GCA: variants seen among roughly 807,000 people sequenced by gnomAD.
GCA encodes grancalcin, EF-hand calcium-binding protein.
Under a neutral mutation model 32.6 loss-of-function variants are expected in GCA, and 30 were observed. That is an observed-to-expected ratio of 0.92 (90% CI 0.69 to 1.25). The LOEUF (loss-of-function observed/expected upper bound fraction) is 1.25, where lower values mean the gene tolerates loss of function less well. Ranked by LOEUF, GCA falls within the 50% of genes most tolerant of loss-of-function variation. The pLI, the probability that GCA is intolerant of heterozygous loss-of-function variation, is 0.00. For missense variants in GCA, 291 were observed against 266.8 expected (o/e 1.09, Z -0.63); for synonymous variants, 102 against 84.6 (o/e 1.21, Z -1.13).
chr2:162,327,382 A>G (rs1480328481), intron 1 of GCA, among the ~76,000 whole-genome samples: 2 of 152,190 alleles, frequency 1.3e-5, no homozygotes, highest in Non-Finnish European at 2.9e-5. Context: ...TCACTTGGTA[A>G]AAAACAGAAA....
At chr2:162,319,671 G>A (rs1349898299) in intron 1 of GCA, among the ~76,000 whole-genome samples, 2 of 152,166 alleles carry the variant, frequency 1.3e-5, no homozygotes, top group Non-Finnish European at 2.9e-5. Flanking sequence ...GAGTCCTTAA[G>A]GTTACTACTC....
At chr2:162,367,668 A>C (rs1685797893), downstream of GCA, among the ~76,000 whole-genome samples, 1 of 151,982 alleles carries the variant, frequency 6.6e-6, no homozygotes, top group Admixed American at 6.6e-5. Flanking sequence ...TGAATCAAAA[A>C]CTTTCATCTT....
intron 4 of GCA, among the ~76,000 whole-genome samples, chr2:162,368,498 A>C (rs746419839): frequency 6.6e-6 from 1 of 151,974 alleles, no homozygotes; most frequent in Non-Finnish European, 1.5e-5. Flanking sequence ...TAAAATAATA[A>C]TAATTTTAGA....
downstream of GCA, among the ~76,000 whole-genome samples, chr2:162,372,531 A>G (rs1685993163): frequency 6.6e-6 from 1 of 152,156 alleles, no homozygotes; most frequent in Non-Finnish European, 1.5e-5. Context: ...CTGAAAACAA[A>G]GAACAAAATA....
rs1245071872 is a variant in GCA, at chr2:162,360,534, GTAAATT to G, written c.*294_*299del. The stretch of plus-strand genomic sequence containing the variant: ...ATGCTTAGCCTTAATTTTAGATAAT[GTAAATT>G]TAGAGGAATGTACTTTACAAGATAG... On this transcript the variant is annotated 3_prime_UTR_variant, in exon 8 of 8. Coordinates refer to ENST00000437150, the MANE Select transcript of GCA (RefSeq NM_012198.5). 1 of 1,044,880 alleles carries G rather than the reference GTAAATT, an allele frequency of 9.6e-7. No homozygotes were observed. 64.7% of individuals were successfully genotyped at this position (1,044,880 alleles called of 1,614,324 possible).
intron 1 of GCA, 51 bp downstream of exon 1, chr2:162,344,326 C>T (rs780299879): frequency 6.3e-7 from 1 of 1,588,336 alleles, no homozygotes; most frequent in African/African-American, 1.3e-5. Flanking sequence ...GGTGTGGCGC[C>T]CCCGGGGGCG....
upstream of GCA, among the ~76,000 whole-genome samples, chr2:162,342,828 GTTCT>G (rs1684494739): frequency 6.6e-6 from 1 of 152,222 alleles, no homozygotes; most frequent in Admixed American, 6.5e-5. Context: ...GCAATGGTTT[GTTCT>G]TTCTAGCGCT....
downstream of GCA, among the ~76,000 whole-genome samples, chr2:162,364,771 A>G (rs1215724963): frequency 6.6e-6 from 1 of 151,560 alleles, no homozygotes; most frequent in Non-Finnish European, 1.5e-5. Flanking sequence ...CTCGGGCAAA[A>G]GAAAATATCT....
At chr2:162,325,629 C>T (rs1367017783) in intron 1 of GCA, among the ~76,000 whole-genome samples, 1 of 152,152 alleles carries the variant, frequency 6.6e-6, no homozygotes. Flanking sequence ...CATTTAGGGT[C>T]ATCCATTGGT....
chr2:162,335,304 A>G (rs1178670831), intron 1 of GCA, among the ~76,000 whole-genome samples: 1 of 151,784 alleles, frequency 6.6e-6, no homozygotes, highest in Non-Finnish European at 1.5e-5. Flanking sequence ...AATCCCAGCT[A>G]CTGGGGAGGC....
chr2:162,371,309 G>T lies in GCA; in HGVS notation c.370G>T (p.Gly124Ter). 7.8e-7 allele frequency: 1 copy of T among 1,284,412 alleles called. No homozygotes were observed. 79.6% of individuals were successfully genotyped at this position (1,284,412 alleles called of 1,614,324 possible). A position where few individuals can be genotyped will look rare whatever the true frequency, so the allele number is the denominator to read the frequency against. ...AACTTTGTATTTTTTCTTCCAGTGT[G>T]GAGGAATGAACGTAATTAACTTTGA... The change falls in exon 5 of 5, where the codon GGA (glycine) becomes TGA (stop). Residue 124 changes from glycine (G) to a stop codon, truncating the protein, a stop_gained. Coordinates refer to the GCA transcript ENST00000414723. LOFTEE classifies it low-confidence loss of function (END_TRUNC).
intron 7 of GCA, 136 bp from the exon 8 acceptor site, chr2:162,360,081 T>C: frequency 1.7e-6 from 1 of 591,258 alleles, no homozygotes; most frequent in South Asian, 2.1e-5. Context: ...ACATTACTGA[T>C]ATTTATTGGC....
At chr2:162,343,962 C>T, upstream of GCA, 1 of 460,822 alleles carries the variant, frequency 2.2e-6, no homozygotes, top group Non-Finnish European at 4.0e-6. Flanking sequence ...GACTGGAGGG[C>T]TCCCGATGGG....
In GCA at chr2:162,362,320, C is replaced by T; in HGVS notation, c.*2077C>T. 1 of 983,766 alleles carries T rather than the reference C, an allele frequency of 1.0e-6. No individual in the cohort carries two copies. Among genetic ancestry groups the T allele is most frequent in the Non-Finnish European group, 1.2e-6 (1 of 828,706 alleles). The allele number at this position is 983,766 out of a possible 1,614,324, so 60.9% of individuals were successfully genotyped here. A position where few individuals can be genotyped will look rare whatever the true frequency, so the allele number is the denominator to read the frequency against. Reference sequence around the variant, plus strand: ...ACTTAATTGCCAGGCAACTCTTCTGCACTTTACATTAAACAGACAAACTTA... The same window carrying T: ...ACTTAATTGCCAGGCAACTCTTCTGTACTTTACATTAAACAGACAAACTTA... On this transcript the variant is annotated 3_prime_UTR_variant, in exon 8 of 8. Coordinates refer to ENST00000437150, the MANE Select transcript of GCA (RefSeq NM_012198.5).
At chr2:162,335,245 C>T (rs1684231102) in intron 1 of GCA, among the ~76,000 whole-genome samples, 1 of 152,154 alleles carries the variant, frequency 6.6e-6, no homozygotes, top group Non-Finnish European at 1.5e-5. Flanking sequence ...AACCTCGTCT[C>T]TACTAAAAAT....
chr2:162,347,691 T>A lies in GCA; in HGVS notation c.141T>A (p.Tyr47Ter). Residue 47 changes from tyrosine to a stop codon, truncating the protein, a stop_gained, in exon 2 of 8, where the codon TAT becomes TAA. Coordinates refer to ENST00000437150, the MANE Select transcript of GCA (RefSeq NM_012198.5). LOFTEE classifies it high-confidence loss of function. ...GYSGPAYSDT[Y>*]SSAGDSVYTY... ...CTGGGCCAGCATATTCAGACACTTA[T>A]TCCTCAGCTGGTGACTCCGTGTATA... 2 of 1,608,022 alleles carry A rather than the reference T, an allele frequency of 1.2e-6. No homozygotes were observed. Among genetic ancestry groups the A allele is most frequent in the Non-Finnish European group, 1.7e-6 (2 of 1,176,084 alleles).
chr2:162,351,846 G>A (rs138575282), intron 2 of GCA, among the ~76,000 whole-genome samples: 61 of 152,180 alleles, frequency 4.0e-4, no homozygotes, highest in South Asian at 8.3e-4. Context: ...ACTTGTTTGG[G>A]CAGTAATCAG....
Position 162,355,275 on chromosome 2 carries a change from CTATT to C in GCA, c.263-1162_263-1159del, listed in dbSNP as rs780816900. 3.9e-5 allele frequency among the ~76,000 whole-genome samples: 6 copies of C among 152,074 alleles called. No individual in the cohort carries two copies. In the South Asian group the frequency reaches 1.0e-3, roughly 26 times the overall value. On this transcript the variant is annotated intron_variant, in intron 3 of 7. Coordinates refer to ENST00000437150, the MANE Select transcript of GCA (RefSeq NM_012198.5). ...CTCATGCTAAGAACACATTGAGTAT[CTATT>C]GAGTTGTCAATTTGAAAATACTACA...
At chr2:162,335,788 C>T (rs1684250345) in intron 1 of GCA, among the ~76,000 whole-genome samples, 1 of 152,206 alleles carries the variant, frequency 6.6e-6, no homozygotes, top group South Asian at 2.1e-4. Flanking sequence ...CAATGTCATA[C>T]TGTCAACAAA....
Sources: allele counts gnomAD v4.1 joint callset (sites outside exome capture counted in the v4.1 genomes callset), GRCh38; gene constraint gnomAD v4.1.1; transcripts MANE v1.5; gene names NCBI Gene and HGNC (gene_info 2026-07-23, HGNC 2026-07-21).